RPGRIP1L: variants seen among roughly 807,000 people sequenced by gnomAD.
RPGRIP1L encodes protein fantom.
In RPGRIP1L, 131 loss-of-function variants were observed where a neutral mutation model predicts 160.4. The observed-to-expected ratio is 0.82, with a 90% CI of 0.71 to 0.94. The LOEUF is 0.94. RPGRIP1L is among the 40% of genes least tolerant of loss of function. The pLI is 0.00. For synonymous variants in RPGRIP1L, 510 were observed against 515.8 expected, an observed-to-expected ratio of 0.99 and a Z score of 0.15; for missense variants, 1,522 against 1,535.8, an observed-to-expected ratio of 0.99 and a Z score of 0.15.
chr16:53,703,092 A>G (rs540231176), intron 1 of RPGRIP1L: 1 of 152,234 alleles, frequency 6.6e-6, no homozygotes, highest in Non-Finnish European at 1.5e-5. Context: ...AACATGATGA[A>G]ACCCTGTCTC....
chr16:53,601,846 A>G lies in RPGRIP1L; in HGVS notation c.*230T>C, dbSNP rs1963391551. On this transcript the variant is annotated 3_prime_UTR_variant, in exon 27 of 27. Transcript: ENST00000647211. ...ATAAATTATTGAGAAGGTACTGCCCATTATGGAGAACTTAAGTCCTGAGGG... is the reference window on the plus strand; with the variant it reads ...ATAAATTATTGAGAAGGTACTGCCCGTTATGGAGAACTTAAGTCCTGAGGG... The G allele has an allele frequency of 1.9e-6, 1 of 515,556 alleles. No homozygotes were observed. Among genetic ancestry groups the G allele is most frequent in the Non-Finnish European group, 3.5e-6 (1 of 283,126 alleles). The allele number at this position is 515,556 out of a possible 1,614,324, so 31.9% of individuals were successfully genotyped here. A position where few individuals can be genotyped will look rare whatever the true frequency, so the allele number is the denominator to read the frequency against.
At chr16:53,665,623 T>G (rs1045985775) in intron 9 of RPGRIP1L, among the ~76,000 whole-genome samples, 6 of 152,150 alleles carry the variant, frequency 3.9e-5, no homozygotes, top group Non-Finnish European at 7.3e-5. Flanking sequence ...CAGTGCTCTG[T>G]GCCTGATAAG....
intron 16 of RPGRIP1L, among the ~76,000 whole-genome samples, chr16:53,646,334 T>C (rs1005142007): frequency 6.6e-6 from 1 of 152,168 alleles, no homozygotes; most frequent in East Asian, 1.9e-4. Flanking sequence ...AATGGGTAGA[T>C]AGACGAATGT....
At position 53,598,704 on chromosome 16, in the gene RPGRIP1L, G is replaced by A. The variant is rs960563258; in HGVS notation, c.*3372C>T. On this transcript the variant is annotated 3_prime_UTR_variant, in exon 27 of 27. Coordinates refer to ENST00000647211, the MANE Select transcript of RPGRIP1L (RefSeq NM_015272.5). ...ATTCATGGATTTAATTAGGCATGTT[G>A]CCCAATCTCTAATAAATCACGGGTT... The A allele has an allele frequency of 1.2e-4, 18 of 152,306 alleles. No individual in the cohort carries two copies. The highest frequency in any genetic ancestry group is 3.3e-4 in the Admixed American group (5 of 15,294). The allele number at this position is 152,306 out of a possible 1,614,324, so 9.4% of individuals were successfully genotyped here.
At chr16:53,688,851 T>C (rs916218210) in intron 4 of RPGRIP1L, among the ~76,000 whole-genome samples, 1 of 152,012 alleles carries the variant, frequency 6.6e-6, no homozygotes, top group African/African-American at 2.4e-5. Context: ...TCAATATCTA[T>C]TGCTGTAATC....
chr16:53,630,482 T>A (rs1173668821), intron 22 of RPGRIP1L, among the ~76,000 whole-genome samples: 1 of 152,158 alleles, frequency 6.6e-6, no homozygotes, highest in Non-Finnish European at 1.5e-5. Context: ...TAAGCAGATA[T>A]ATTTGTATTA....
At position 53,648,965 on chromosome 16, in the gene RPGRIP1L, G is replaced by C; in HGVS notation, c.2303C>G (p.Ser768Trp). 6.2e-7 allele frequency: 1 copy of C among 1,613,464 alleles called. No individual in the cohort carries two copies. Among genetic ancestry groups the C allele is most frequent in the Non-Finnish European group, 8.5e-7 (1 of 1,179,484 alleles). Residue 768 changes from serine to tryptophan, a missense_variant and splice_region_variant, in exon 16 of 27, where the codon TCG becomes TGG. Transcript: ENST00000647211. ...SNFKGPEHMQ[S>W]LSQQAPKTAQ... ...GGTCTTAAAGCCAAATGAGCTTACC[G>C]ACTGCATATGCTCTGGCCCCTTAAA...
chr16:53,610,854 C>T, intron 25 of RPGRIP1L, 113 bp downstream of exon 25: 1 of 853,580 alleles, frequency 1.2e-6, no homozygotes, highest in Non-Finnish European at 2.0e-6. Context: ...CAGAGTGAGT[C>T]AGAGAACCCC....
Position 53,619,142 on chromosome 16 carries a change from C to T in RPGRIP1L, c.3499G>A (p.Asp1167Asn), listed in dbSNP as rs746806282. The T allele has an allele frequency of 6.8e-6, 11 of 1,613,842 alleles. No homozygotes were observed. In the East Asian group the frequency reaches 2.5e-4, roughly 36 times the overall value. ...SLNDSQVTMD[D>N]TIQRLFVECR... is the part of the protein sequence containing the mutation. ...TCAACAAACAGCCGTTGGATAGTGT[C>T]ATCCATGGTTACTTGAGAATCATTA... The change falls in exon 24 of 27, where the codon GAC becomes AAC. Residue 1167 changes from aspartate (D) to asparagine (N), a missense_variant. Physicochemically the swap from Asp to Asn is conservative, Grantham distance 23. Coordinates refer to ENST00000647211, the MANE Select transcript of RPGRIP1L (RefSeq NM_015272.5).
chr16:53,619,272 A>G lies in RPGRIP1L; in HGVS notation c.3433-64T>C, dbSNP rs1053045000. 3 of 1,447,512 alleles carry G rather than the reference A, an allele frequency of 2.1e-6. No homozygotes were observed. The Admixed American group carries it at 5.0e-5, about 24-fold the overall frequency. 89.7% of individuals were successfully genotyped at this position (1,447,512 alleles called of 1,614,324 possible). A position where few individuals can be genotyped will look rare whatever the true frequency, so the allele number is the denominator to read the frequency against. On this transcript the variant is annotated intron_variant, in intron 23 of 26. Coordinates refer to ENST00000647211, the MANE Select transcript of RPGRIP1L (RefSeq NM_015272.5). ...AAATAATTGAACAAAAAGATCCACTATTACTTTCCACTATCAATTTTAAAT... is the reference window on the plus strand; with the variant it reads ...AAATAATTGAACAAAAAGATCCACTGTTACTTTCCACTATCAATTTTAAAT...
chr16:53,637,812 C>G lies in RPGRIP1L; in HGVS notation c.3103G>C (p.Glu1035Gln). 6.2e-7 allele frequency: 1 copy of G among 1,604,268 alleles called. No individual in the cohort carries two copies. The highest frequency in any genetic ancestry group is 1.1e-5 in the South Asian group (1 of 89,894). ...GSVDEVKENT[E>Q]KMQQGKDDVS... ...TCATCTTTTCCTTGCTGCATTTTCTCAGTATTCTCTTTTACCTCATCTACA... is the reference window on the plus strand; with the variant it reads ...TCATCTTTTCCTTGCTGCATTTTCTGAGTATTCTCTTTTACCTCATCTACA... The change falls in exon 21 of 27, where the codon GAG becomes CAG. Residue 1035 changes from glutamate to glutamine, a missense_variant. Coordinates refer to ENST00000647211, the MANE Select transcript of RPGRIP1L (RefSeq NM_015272.5).
chr16:53,637,741 T>C lies in RPGRIP1L; in HGVS notation c.3174A>G (p.Ala1058=), dbSNP rs1965928165. 1.2e-6 allele frequency: 2 copies of C among 1,612,238 alleles called. No individual in the cohort carries two copies. The highest frequency in any genetic ancestry group is 1.1e-5 in the South Asian group (1 of 91,076). Residue 1058 remains alanine, a synonymous_variant, in exon 21 of 27, where the codon GCA becomes GCG. Transcript: ENST00000647211. Reference sequence around the variant, plus strand: ...TTATTTCTGTTTCATCTTCAGAAGATGCCAAGCTTTGTTCTGCAAGCTGAC... The same window carrying C: ...TTATTTCTGTTTCATCTTCAGAAGACGCCAAGCTTTGTTCTGCAAGCTGAC... The part of the protein sequence containing the change: ...SEGQLAEQSL[A]SSEDETEITE...
chr16:53,620,190 A>T (rs1010589695), intron 23 of RPGRIP1L, among the ~76,000 whole-genome samples: 1 of 152,174 alleles, frequency 6.6e-6, no homozygotes, highest in South Asian at 2.1e-4. Context: ...GTGTAAATTC[A>T]CCATAGTGGT....
Position 53,648,830 on chromosome 16 carries a change from T to C in RPGRIP1L, c.2304+134A>G, listed in dbSNP as rs868325278. On this transcript the variant is annotated intron_variant, in intron 16 of 26. Coordinates refer to ENST00000647211, the MANE Select transcript of RPGRIP1L (RefSeq NM_015272.5). Reference sequence around the variant, plus strand: ...ATTTTTACCACTTCCTGTGAGTATATGATTACTTCAAAATAAAAGTTAAAA... The same window carrying C: ...ATTTTTACCACTTCCTGTGAGTATACGATTACTTCAAAATAAAAGTTAAAA... 13 of 794,138 alleles carry C rather than the reference T, an allele frequency of 1.6e-5. No individual in the cohort carries two copies. In the Middle Eastern group the frequency reaches 9.9e-4, roughly 61 times the overall value. The allele number at this position is 794,138 out of a possible 1,614,324, so 49.2% of individuals were successfully genotyped here.
At chr16:53,628,354 C>G (rs1243825741) in intron 22 of RPGRIP1L, 1 of 152,120 alleles carries the variant, frequency 6.6e-6, no homozygotes, top group African/African-American at 2.4e-5. Flanking sequence ...ATTGACAGAG[C>G]CATATGTAAG....
intron 10 of RPGRIP1L, among the ~76,000 whole-genome samples, chr16:53,663,245 A>G (rs1967957746): frequency 7.1e-6 from 1 of 140,522 alleles, no homozygotes; most frequent in Non-Finnish European, 1.5e-5. Flanking sequence ...AATAAATTAG[A>G]TAAATTAAAA....
intron 22 of RPGRIP1L, among the ~76,000 whole-genome samples, chr16:53,623,193 A>T (rs1964854198): frequency 6.6e-6 from 1 of 152,226 alleles, no homozygotes; most frequent in East Asian, 1.9e-4. Flanking sequence ...CTTCCTAGTT[A>T]TCAGAAGGTA....
chr16:53,604,799 C>G (rs566183011), intron 26 of RPGRIP1L, among the ~76,000 whole-genome samples: 1 of 152,276 alleles, frequency 6.6e-6, no homozygotes, highest in South Asian at 2.1e-4. Flanking sequence ...AGTACCTTAA[C>G]AGAAATAAGG....
chr16:53,694,476 T>C (rs1180487460), intron 3 of RPGRIP1L: 3 of 151,796 alleles, frequency 2.0e-5, no homozygotes, highest in Admixed American at 6.6e-5. Context: ...AGGTAGTTTA[T>C]AAAATCTACA....
Sources: allele counts gnomAD v4.1 joint callset (sites outside exome capture counted in the v4.1 genomes callset), GRCh38; gene constraint gnomAD v4.1.1; transcripts MANE v1.5; gene names NCBI Gene and HGNC (gene_info 2026-07-23, HGNC 2026-07-21).